The following ACSL5 variants were observed in gnomAD, a reference collection of about 807,000 sequenced individuals.
ACSL5 encodes the protein long-chain-fatty-acid--CoA ligase 5.
ACSL5 carries 50 observed loss-of-function variants against 84.9 expected under a neutral mutation model. The observed-to-expected ratio is 0.59, with a 90% CI of 0.47 to 0.75. The LOEUF (loss-of-function observed/expected upper bound fraction) is 0.75. ACSL5 is among the 30% of genes least tolerant of loss of function. The pLI, the probability that ACSL5 is intolerant of heterozygous loss-of-function variation, is 0.00. For missense variants in ACSL5, 775 were observed against 830.4 expected (o/e 0.93, Z 0.82); for synonymous variants, 280 against 300.7 (o/e 0.93, Z 0.71).
intron 3 of ACSL5, among the ~76,000 whole-genome samples, chr10:112,401,753 C>G (rs971286822): frequency 2.0e-5 from 3 of 152,106 alleles, no homozygotes; most frequent in Non-Finnish European, 2.9e-5. Context: ...CTGGAACTCT[C>G]TCTCTCCTTT....
chr10:112,422,681 C>T (rs1461931248), intron 17 of ACSL5, among the ~76,000 whole-genome samples: 1 of 151,924 alleles, frequency 6.6e-6, no homozygotes, highest in Non-Finnish European at 1.5e-5. Context: ...CATGGTGAAA[C>T]TCCGTCTCTA....
chr10:112,412,248 A>C, intron 11 of ACSL5: 1 of 399,044 alleles, frequency 2.5e-6, no homozygotes, highest in Non-Finnish European at 4.5e-6. Flanking sequence ...CACAGCTAGG[A>C]GCTTACTATC....
At chr10:112,414,973 C>A (rs1401955013) in intron 12 of ACSL5, among the ~76,000 whole-genome samples, 1 of 152,080 alleles carries the variant, frequency 6.6e-6, no homozygotes, top group Non-Finnish European at 1.5e-5. Flanking sequence ...ACTCTTAGGA[C>A]TCTCAGCAGA....
intron 9 of ACSL5, 89 bp downstream of exon 9, chr10:112,410,724 C>T: frequency 7.3e-7 from 1 of 1,378,584 alleles, no homozygotes; most frequent in Non-Finnish European, 1.0e-6. Flanking sequence ...GTAAATACTC[C>T]CTCTAAAGAG....
chr10:112,416,988 G>A lies in ACSL5; in HGVS notation c.1184G>A (p.Ser395Asn). ...CAAAAGGGTATCATCAGGCATGATA[G>A]TTTCTGGGACAAGCTCATCTTTGCA... ...ELQKGIIRHDSFWDKLIFAKI... is the reference protein window; with the variant it reads ...ELQKGIIRHDNFWDKLIFAKI... Residue 395 changes from serine (S) to asparagine (N), a missense_variant, in exon 13 of 21, where the codon AGT becomes AAT. By Grantham distance (46) the Ser-to-Asn change is conservative (BLOSUM62 1). Transcript: ENST00000354655. The A allele has an allele frequency of 6.2e-7, 1 of 1,614,052 alleles. No individual in the cohort carries two copies. The highest frequency in any genetic ancestry group is 8.5e-7 in the Non-Finnish European group (1 of 1,179,978).
intron 12 of ACSL5, among the ~76,000 whole-genome samples, chr10:112,415,564 T>G (rs970806986): frequency 2.6e-4 from 40 of 152,376 alleles, no homozygotes; most frequent in Middle Eastern, 6.8e-3. Context: ...AGGGAGATTC[T>G]AAGAATGGCA....
chr10:112,398,805 A>G (rs1843806719), intron 2 of ACSL5, 96 bp from the exon 3 acceptor site: 1 of 997,642 alleles, frequency 1.0e-6, no homozygotes, highest in Non-Finnish European at 1.6e-6. Flanking sequence ...GTGACCTCAA[A>G]ATCGGCATTT....
intron 3 of ACSL5, among the ~76,000 whole-genome samples, chr10:112,401,866 TTC>T (rs1478755037): frequency 2.0e-5 from 3 of 150,426 alleles, no homozygotes; most frequent in South Asian, 4.2e-4. Flanking sequence ...CTTTCTTTCT[TTC>T]TTTTTCTTTC....
In ACSL5 at chr10:112,397,525, G is replaced by A. The variant is rs117971414; in HGVS notation, c.157-1376G>A. The stretch of plus-strand genomic sequence containing the variant: ...CCTCTAGCTGCCCACCCAACTCTGC[G>A]CTGCGTTTTCTTACCTCCATGCCTT... On this transcript the variant is annotated intron_variant, in intron 2 of 20. Transcript: ENST00000354655. Among the ~76,000 whole-genome samples the A allele has an allele frequency of 6.0e-3, 907 of 152,092 alleles. 3 individuals are homozygous for A. Among genetic ancestry groups the A allele is most frequent in the Non-Finnish European group, 8.8e-3 (600 of 67,994 alleles).
chr10:112,396,569 T>TTTA (rs1405644592), intron 2 of ACSL5, among the ~76,000 whole-genome samples: 1 of 152,190 alleles, frequency 6.6e-6, no homozygotes, highest in African/African-American at 2.4e-5. Context: ...TACCTCCTCT[T>TTTA]TTATGACTTG....
At chr10:112,394,759 T>A in intron 1 of ACSL5, 159 bp from the exon 2 acceptor site, 1 of 985,050 alleles carries the variant, frequency 1.0e-6, no homozygotes. Flanking sequence ...TGGGGGAAAT[T>A]CTGCCACTAG....
intron 3 of ACSL5, among the ~76,000 whole-genome samples, chr10:112,399,718 C>T (rs539871073): frequency 1.3e-5 from 2 of 152,352 alleles, no homozygotes; most frequent in East Asian, 3.9e-4. Flanking sequence ...CGTCCCTTGA[C>T]TTCTGCATGT....
intron 1 of ACSL5, among the ~76,000 whole-genome samples, chr10:112,386,111 T>G (rs965479856): frequency 6.6e-6 from 1 of 151,576 alleles, no homozygotes; most frequent in African/African-American, 2.4e-5. Flanking sequence ...TAGCATCTAC[T>G]GGGCATGTTT....
At chr10:112,377,557 AT>A (rs1849265242) in intron 1 of ACSL5, among the ~76,000 whole-genome samples, 1 of 151,990 alleles carries the variant, frequency 6.6e-6, no homozygotes, top group African/African-American at 2.4e-5. Context: ...AAACAAACAA[AT>A]AAAAAAACAT....
chr10:112,382,502 A>G (rs774040481), intron 1 of ACSL5, among the ~76,000 whole-genome samples: 1 of 152,176 alleles, frequency 6.6e-6, no homozygotes, highest in Non-Finnish European at 1.5e-5. Flanking sequence ...TGGGAGGCCT[A>G]TTGACACACA....
chr10:112,397,214 G>T (rs1314827985), intron 2 of ACSL5, among the ~76,000 whole-genome samples: 1 of 149,380 alleles, frequency 6.7e-6, no homozygotes, highest in Non-Finnish European at 1.5e-5. Flanking sequence ...TGTCCCCCAG[G>T]TTGGAGTGCA....
At chr10:112,413,949 T>G (rs1183425156) in intron 12 of ACSL5, among the ~76,000 whole-genome samples, 1 of 152,030 alleles carries the variant, frequency 6.6e-6, no homozygotes, top group Non-Finnish European at 1.5e-5. Flanking sequence ...CACAAAATCA[T>G]AGTAAATCAT....
intron 13 of ACSL5, among the ~76,000 whole-genome samples, 179 bp downstream of exon 13, chr10:112,417,201 T>TA (rs377732977): frequency 1.1e-4 from 13 of 120,054 alleles, no homozygotes; most frequent in Non-Finnish European, 1.3e-4. Context: ...GGAGTAGGTT[T>TA]AAAAAAAAAA....
At position 112,401,792 on chromosome 10, in the gene ACSL5, CTTTCTTT is replaced by C. The variant is rs1564736343; in HGVS notation, c.266-2718_266-2712del. Among the ~76,000 whole-genome samples the C allele has an allele frequency of 4.4e-3, 414 of 94,804 alleles. 3 individuals are homozygous for C. Among genetic ancestry groups the C allele is most frequent in the African/African-American group, 0.015 (402 of 27,274 alleles). 62.2% of individuals were successfully genotyped at this position (94,804 alleles called of 152,430 possible). A position where few individuals can be genotyped will look rare whatever the true frequency, so the allele number is the denominator to read the frequency against. On this transcript the variant is annotated intron_variant, in intron 3 of 20. Coordinates refer to ENST00000354655, the MANE Select transcript of ACSL5 (RefSeq NM_203379.2). Reference sequence around the variant, plus strand: ...TCTTTCTTTTTCTTTCTTTCTCTTTCTTTCTTTCTTTCTTTCTTTCTTTCTTTCTTTC... The same window carrying C: ...TCTTTCTTTTTCTTTCTTTCTCTTTCCTTTCTTTCTTTCTTTCTTTCTTTC...
Sources: allele counts gnomAD v4.1 joint callset (sites outside exome capture counted in the v4.1 genomes callset), GRCh38; gene constraint gnomAD v4.1.1; transcripts MANE v1.5; gene names NCBI Gene and HGNC (gene_info 2026-07-23, HGNC 2026-07-21).